TCF12: variants seen among roughly 807,000 people sequenced by gnomAD.
TCF12 encodes the protein transcription factor 12.
A neutral mutation model predicts 86.0 loss-of-function variants in TCF12; 45 were observed. That is an observed-to-expected ratio of 0.52 (90% CI 0.41 to 0.67). The LOEUF is 0.67. TCF12 is among the 30% of genes least tolerant of loss of function. The pLI is 0.00. For missense variants in TCF12, 881 were observed against 859.9 expected (o/e 1.02, Z -0.31); for synonymous variants, 330 against 299.6 (o/e 1.10, Z -1.05).
intron 3 of TCF12, among the ~76,000 whole-genome samples, chr15:56,942,874 G>A (rs527724826): frequency 1.3e-5 from 2 of 152,254 alleles, no homozygotes; most frequent in South Asian, 2.1e-4. Context: ...ATTTGCAGTG[G>A]CTTTCACCAA....
At chr15:57,260,860 A>G (rs2060556080) in intron 16 of TCF12, among the ~76,000 whole-genome samples, 1 of 152,226 alleles carries the variant, frequency 6.6e-6, no homozygotes, top group Non-Finnish European at 1.5e-5. Context: ...TTCATGAAAC[A>G]TTTTAAAAAT....
At chr15:57,173,722 T>G (rs1415092629) in intron 6 of TCF12, among the ~76,000 whole-genome samples, 1 of 152,036 alleles carries the variant, frequency 6.6e-6, no homozygotes, top group Non-Finnish European at 1.5e-5. Flanking sequence ...TCTTTTTTTT[T>G]TTTTAGACAG....
At chr15:57,149,605 T>C (rs2053599970) in intron 5 of TCF12, among the ~76,000 whole-genome samples, 2 of 152,216 alleles carry the variant, frequency 1.3e-5, no homozygotes, top group African/African-American at 2.4e-5. Flanking sequence ...AGAGGTAGTT[T>C]AACAAAGTTT....
At chr15:57,113,776 C>CT (rs1272881317) in intron 5 of TCF12, among the ~76,000 whole-genome samples, 1 of 45,142 alleles carries the variant, frequency 2.2e-5, no homozygotes, top group East Asian at 6.4e-4. Context: ...CTCGTCTCTA[C>CT]TTAAAAAAAA....
rs762329851 is a variant in TCF12 at position 57,063,843 on chromosome 15, C to T, written c.222+20C>T. On this transcript the variant is annotated intron_variant, in intron 4 of 20. Transcript: ENST00000333725. The stretch of plus-strand genomic sequence containing the variant: ...TCTAGAGTAAGTTTGCTGATCAACC[C>T]TTGATTAAAGCTGTAATTTGGCAGA... 6.5e-7 allele frequency: 1 copy of T among 1,549,282 alleles called. No homozygotes were observed. Among genetic ancestry groups the T allele is most frequent in the Non-Finnish European group, 8.8e-7 (1 of 1,133,340 alleles).
intron 5 of TCF12, among the ~76,000 whole-genome samples, chr15:57,155,803 A>G (rs1329307683): frequency 3.3e-5 from 5 of 152,116 alleles, no homozygotes; most frequent in African/African-American, 1.2e-4. Flanking sequence ...AGAACATAAA[A>G]CACATGCATA....
intron 3 of TCF12, among the ~76,000 whole-genome samples, chr15:57,022,808 C>G (rs187955534): frequency 2.0e-4 from 31 of 152,284 alleles, no homozygotes; most frequent in African/African-American, 7.2e-4. Flanking sequence ...TTTCATTTCT[C>G]TGATGACCAG....
At chr15:57,108,956 G>A (rs1362072436) in intron 5 of TCF12, among the ~76,000 whole-genome samples, 1 of 152,118 alleles carries the variant, frequency 6.6e-6, no homozygotes, top group Non-Finnish European at 1.5e-5. Flanking sequence ...TAAATTTAAG[G>A]TTTTCAGAAA....
intron 5 of TCF12, among the ~76,000 whole-genome samples, chr15:57,102,088 A>G (rs935836169): frequency 6.6e-6 from 1 of 151,748 alleles, no homozygotes; most frequent in Non-Finnish European, 1.5e-5. Flanking sequence ...GGCCATAAAC[A>G]TATAATTCAT....
At chr15:57,038,044 T>G (rs1304135657) in intron 3 of TCF12, among the ~76,000 whole-genome samples, 1 of 152,012 alleles carries the variant, frequency 6.6e-6, no homozygotes. Flanking sequence ...AAAAACAAAA[T>G]TAAGTGGAAA....
intron 3 of TCF12, among the ~76,000 whole-genome samples, chr15:56,955,024 C>T (rs927594936): frequency 5.3e-5 from 8 of 152,118 alleles, no homozygotes; most frequent in East Asian, 3.9e-4. Context: ...CTAGAAATAC[C>T]GTATGACCCA....
intron 4 of TCF12, among the ~76,000 whole-genome samples, chr15:57,089,797 A>G (rs1490851255): frequency 1.3e-5 from 2 of 152,120 alleles, no homozygotes; most frequent in African/African-American, 2.4e-5. Flanking sequence ...GAGTATTTTT[A>G]TAGGTTTTGA....
intron 8 of TCF12, among the ~76,000 whole-genome samples, chr15:57,222,698 G>A (rs2058654758): frequency 7.0e-6 from 1 of 143,298 alleles, no homozygotes; most frequent in Non-Finnish European, 1.5e-5. Flanking sequence ...TACACAGAAA[G>A]TGAGAAAAAA....
Position 56,977,453 on chromosome 15 carries a change from C to A in TCF12, c.148+56355C>A, listed in dbSNP as rs142823223. Among the ~76,000 whole-genome samples, 665 of 152,206 alleles carry A rather than the reference C, an allele frequency of 4.4e-3. 8 individuals carry two copies. The highest frequency in any genetic ancestry group is 0.021 in the Admixed American group (322 of 15,284). On this transcript the variant is annotated intron_variant, in intron 3 of 20. Coordinates refer to ENST00000333725, the MANE Select transcript of TCF12 (RefSeq NM_207037.2). ...AAGGCTGAGACAGAGGTTGAGGTCTCAGTGAGCTAGAGGTTGCTGTGAGCC... is the reference window on the plus strand; with the variant it reads ...AAGGCTGAGACAGAGGTTGAGGTCTAAGTGAGCTAGAGGTTGCTGTGAGCC...
chr15:57,111,824 C>T (rs2050512874), intron 5 of TCF12, among the ~76,000 whole-genome samples: 1 of 152,030 alleles, frequency 6.6e-6, no homozygotes, highest in African/African-American at 2.4e-5. Flanking sequence ...AACTCCAGAG[C>T]TCAAGCAGTC....
intron 1 of TCF12, 199 bp from the exon 2 acceptor site, chr15:56,919,693 A>C: frequency 4.1e-5 from 16 of 393,188 alleles, no homozygotes; most frequent in Non-Finnish European, 4.6e-5. Context: ...GCGGCGAGGA[A>C]CGCGTGGATT....
intron 3 of TCF12, among the ~76,000 whole-genome samples, chr15:56,952,778 A>G (rs2061340414): frequency 6.6e-6 from 1 of 152,166 alleles, no homozygotes; most frequent in South Asian, 2.1e-4. Context: ...ATTCCATGGG[A>G]TAATCTTCAT....
chr15:57,192,109 G>A, intron 6 of TCF12, 49 bp from the exon 7 acceptor site: 1 of 1,600,016 alleles, frequency 6.2e-7, no homozygotes, highest in Non-Finnish European at 8.5e-7. Flanking sequence ...TTCAGGTTTG[G>A]GTCAGTATCA....
intron 19 of TCF12, among the ~76,000 whole-genome samples, chr15:57,277,129 C>G (rs892607714): frequency 6.6e-6 from 1 of 152,078 alleles, no homozygotes; most frequent in African/African-American, 2.4e-5. Context: ...AATTCTATAC[C>G]TTGCCAGACA....
Sources: gnomAD v4.1 joint callset for allele counts (sites outside exome capture counted in the v4.1 genomes callset) on GRCh38, gnomAD v4.1.1 for gene constraint, MANE v1.5 for transcripts, NCBI Gene and HGNC (gene_info 2026-07-23, HGNC 2026-07-21) for gene names.